TTC6: variants seen among roughly 807,000 people sequenced by gnomAD.
The protein encoded by TTC6 is tetratricopeptide repeat protein 6.
A neutral mutation model predicts 210.4 loss-of-function variants in TTC6; 172 were observed. The observed-to-expected ratio is 0.82, with a 90% CI of 0.72 to 0.93. TTC6 has a LOEUF of 0.93. Among genes scored for constraint, TTC6 ranks in the 40% least tolerant of loss-of-function variants. The pLI, the probability that TTC6 is intolerant of heterozygous loss-of-function variation, is 0.00. For missense variants in TTC6, 2,414 were observed against 2,318.1 expected (o/e 1.04, Z -0.85); for synonymous variants, 804 against 819.6 (o/e 0.98, Z 0.32).
intron 14 of TTC6, among the ~76,000 whole-genome samples, chr14:37,783,980 A>C (rs1384658386): frequency 6.6e-6 from 1 of 152,158 alleles, no homozygotes; most frequent in Non-Finnish European, 1.5e-5. Context: ...GTTTGATTGC[A>C]CTGTGGTCTG....
chr14:37,687,999 C>T (rs1265210178), intron 3 of TTC6, among the ~76,000 whole-genome samples: 1 of 152,082 alleles, frequency 6.6e-6, no homozygotes, highest in Non-Finnish European at 1.5e-5. Context: ...TCTTGGGGTC[C>T]TTGAGTCCAG....
At chr14:37,741,858 T>C (rs973948999) in intron 10 of TTC6, among the ~76,000 whole-genome samples, 2 of 152,136 alleles carry the variant, frequency 1.3e-5, no homozygotes, top group Non-Finnish European at 2.9e-5. Flanking sequence ...TCATGGTAGG[T>C]TGCCAAAGTT....
At chr14:37,775,510 C>A (rs981354460) in intron 14 of TTC6, among the ~76,000 whole-genome samples, 1 of 152,110 alleles carries the variant, frequency 6.6e-6, no homozygotes, top group African/African-American at 2.4e-5. Flanking sequence ...GGAGTAGGTT[C>A]TTAAATTTCC....
exon 30 of TTC6, chr14:37,841,656 A>G (rs1362855162): frequency 1.2e-6 from 2 of 1,602,602 alleles, no homozygotes; most frequent in Admixed American, 3.5e-5. Context: ...CTAGCTGAGG[A>G]AGACCTTAAT....
intron 17 of TTC6, among the ~76,000 whole-genome samples, chr14:37,794,087 C>A (rs544194977): frequency 6.6e-6 from 1 of 152,214 alleles, no homozygotes; most frequent in South Asian, 2.1e-4. Context: ...GTGAGATCTG[C>A]GAATGAGCCT....
chr14:37,609,086 C>G (rs2095630056), intron 2 of TTC6, among the ~76,000 whole-genome samples: 2 of 152,178 alleles, frequency 1.3e-5, no homozygotes, highest in South Asian at 4.1e-4. Flanking sequence ...ACTCCTCCTC[C>G]TCCCACTTTT....
At chr14:37,659,493 A>G (rs1042146689) in intron 1 of TTC6, among the ~76,000 whole-genome samples, 2 of 151,396 alleles carry the variant, frequency 1.3e-5, no homozygotes, top group Admixed American at 6.6e-5. Context: ...CTGATATGAG[A>G]TGGTATCTCG....
intron 14 of TTC6, among the ~76,000 whole-genome samples, chr14:37,768,222 A>T (rs2096005609): frequency 2.0e-5 from 3 of 151,212 alleles, no homozygotes; most frequent in Non-Finnish European, 4.4e-5. Flanking sequence ...TATAGTTTGA[A>T]GTCAGGTAGA....
At chr14:37,664,227 G>A (rs1054790309) in intron 1 of TTC6, among the ~76,000 whole-genome samples, 5 of 150,336 alleles carry the variant, frequency 3.3e-5, no homozygotes, top group Non-Finnish European at 6.0e-5. Flanking sequence ...AAGGCTGGAG[G>A]CATCACACTG....
chr14:37,622,133 G>A, exon 1 of TTC6: 2 of 1,535,534 alleles, frequency 1.3e-6, no homozygotes, highest in Non-Finnish European at 1.7e-6. Context: ...AAGAGCTTGA[G>A]AAAGTTCGGC....
At chr14:37,701,761 A>G (rs1329391374) in intron 5 of TTC6, among the ~76,000 whole-genome samples, 1 of 152,258 alleles carries the variant, frequency 6.6e-6, no homozygotes, top group Non-Finnish European at 1.5e-5. Flanking sequence ...TAGTATTCCC[A>G]GAGTGTTACA....
At chr14:37,631,688 A>G (rs1270351252) in intron 1 of TTC6, among the ~76,000 whole-genome samples, 2 of 152,180 alleles carry the variant, frequency 1.3e-5, no homozygotes, top group Non-Finnish European at 2.9e-5. Flanking sequence ...TTTCTCCTGG[A>G]TAATATCGTG....
At chr14:37,700,785 A>G (rs934534835) in intron 4 of TTC6, among the ~76,000 whole-genome samples, 3 of 142,478 alleles carry the variant, frequency 2.1e-5, no homozygotes, top group Non-Finnish European at 3.0e-5. Flanking sequence ...GCAGATTTTC[A>G]TGTCATCCTC....
At chr14:37,627,571 G>C (rs1338938209) in intron 1 of TTC6, among the ~76,000 whole-genome samples, 1 of 151,476 alleles carries the variant, frequency 6.6e-6, no homozygotes, top group Non-Finnish European at 1.5e-5. Context: ...TTCTGTTCAT[G>C]TGTTAGTTTG....
intron 10 of TTC6, among the ~76,000 whole-genome samples, chr14:37,747,321 A>G (rs1373288526): frequency 6.6e-6 from 1 of 152,162 alleles, no homozygotes; most frequent in Non-Finnish European, 1.5e-5. Flanking sequence ...CACAAACACC[A>G]CTCAGCTTAG....
intron 3 of TTC6, among the ~76,000 whole-genome samples, chr14:37,685,645 T>C (rs1447504313): frequency 6.6e-6 from 1 of 152,148 alleles, no homozygotes; most frequent in Non-Finnish European, 1.5e-5. Flanking sequence ...GGGAGAATGA[T>C]CTTTAGAAAG....
At chr14:37,630,927 T>TTTTTTTTTTTTG (rs2095668624) in intron 1 of TTC6, among the ~76,000 whole-genome samples, 1 of 103,094 alleles carries the variant, frequency 9.7e-6, no homozygotes, top group African/African-American at 3.5e-5. Flanking sequence ...TTTTTTTTTT[T>TTTTTTTTTTTTG]TTTTTTTTTT....
chr14:37,656,750 A>G (rs979883213), intron 1 of TTC6, among the ~76,000 whole-genome samples: 19 of 152,118 alleles, frequency 1.2e-4, no homozygotes, highest in Non-Finnish European at 2.6e-4. Flanking sequence ...GACATCAAGG[A>G]TGGCTCCTCC....
At chr14:37,703,946 G>A (rs2095830434) in intron 5 of TTC6, among the ~76,000 whole-genome samples, 1 of 152,116 alleles carries the variant, frequency 6.6e-6, no homozygotes. Context: ...TTAGATTAAT[G>A]TTAACAACTT....
Sources: gnomAD v4.1 joint callset for allele counts (sites outside exome capture counted in the v4.1 genomes callset) on GRCh38, gnomAD v4.1.1 for gene constraint, MANE v1.5 for transcripts, NCBI Gene and HGNC (gene_info 2026-07-23, HGNC 2026-07-21) for gene names.